Variants in RAP1GAP observed in about 807,000 individuals in gnomAD.
RAP1GAP encodes RAP1 GTPase activating protein, also known as rap1 GTPase-activating protein 1.
RAP1GAP carries 35 observed loss-of-function variants against 87.2 expected under a neutral mutation model. That is an observed-to-expected ratio of 0.40 (90% confidence interval 0.31 to 0.53). The LOEUF is 0.53. RAP1GAP is among the 20% of genes least tolerant of loss of function. RAP1GAP has a pLI of 0.48. For synonymous variants in RAP1GAP, 375 were observed against 363.9 expected (o/e 1.03, Z -0.35); for missense variants, 734 against 898.9 (o/e 0.82, Z 2.35).
Position 21,597,720 on chromosome 1 carries a change from C to G in RAP1GAP, c.1992G>C (p.Ter664TyrextTer6), listed in dbSNP as rs181141517. The change falls in exon 24 of 25, where the codon TAG (stop) becomes TAC (tyrosine). Residue 664 changes from the stop codon to tyrosine (Y), a stop_lost. Transcript: ENST00000374765. The part of the protein sequence containing the change: ...SEQHMPQLGC[*>Y] ...TTCACCTTCAGAGGGGGTGGCCCGG[C>G]TAACAGCCCTGCAGACAGACAGTGG... 2 of 1,613,546 alleles carry G rather than the reference C, an allele frequency of 1.2e-6. No individual in the cohort carries two copies. Among genetic ancestry groups the G allele is most frequent in the Admixed American group, 3.3e-5 (2 of 59,964 alleles).
At chr1:21,646,269 C>T (rs552002568) in intron 2 of RAP1GAP, among the ~76,000 whole-genome samples, 1 of 152,340 alleles carries the variant, frequency 6.6e-6, no homozygotes, top group African/African-American at 2.4e-5. Flanking sequence ...ATGGACTGAG[C>T]AGTGACTCCC....
intron 12 of RAP1GAP, 39 bp from the exon 13 acceptor site, chr1:21,611,620 C>T (rs761529587): frequency 6.2e-7 from 1 of 1,613,812 alleles, no homozygotes. Flanking sequence ...CAGTCTCCAG[C>T]CCTGGCCAGG....
At chr1:21,660,353 T>TATATATATATATATAGAGA in intron 1 of RAP1GAP, among the ~76,000 whole-genome samples, 3 of 26,820 alleles carry the variant, frequency 1.1e-4, no homozygotes, top group Non-Finnish European at 1.7e-4. Flanking sequence ...ATATATTTAT[T>TATATATATATATATAGAGA]GAGACAGTCT....
rs528075509 is a variant in RAP1GAP, at chr1:21,597,730, T to C, written c.1984-2A>G. 2 of 1,613,754 alleles carry C rather than the reference T, an allele frequency of 1.2e-6. No homozygotes were observed. The highest frequency in any genetic ancestry group is 1.7e-6 in the Non-Finnish European group (2 of 1,179,746). ...GAGGGGGTGGCCCGGCTAACAGCCCTGCAGACAGACAGTGGTGGTGAGGCA... is the reference window on the plus strand; with the variant it reads ...GAGGGGGTGGCCCGGCTAACAGCCCCGCAGACAGACAGTGGTGGTGAGGCA... On this transcript the variant is annotated splice_acceptor_variant, in intron 23 of 24. Transcript: ENST00000374765. LOFTEE classifies it high-confidence loss of function.
chr1:21,651,534 C>G, intron 1 of RAP1GAP: 1 of 673,618 alleles, frequency 1.5e-6, no homozygotes, highest in Non-Finnish European at 2.8e-6. Context: ...ACCCTGCACT[C>G]ACCTCCCCAC....
intron 1 of RAP1GAP, chr1:21,651,439 C>T (rs1249702098): frequency 1.7e-6 from 1 of 582,862 alleles, no homozygotes; most frequent in Non-Finnish European, 3.4e-6. Context: ...CACACGCGCG[C>T]ACACACAGGC....
rs1232909031 is a variant in RAP1GAP at position 21,622,750 on chromosome 1, C to A, written c.-18-2700G>T. Among the ~76,000 whole-genome samples, 2 of 151,906 alleles carry A rather than the reference C, an allele frequency of 1.3e-5. No homozygotes were observed. Among genetic ancestry groups the A allele is most frequent in the Non-Finnish European group, 2.9e-5 (2 of 67,956 alleles). On this transcript the variant is annotated intron_variant, in intron 3 of 24. Coordinates refer to ENST00000374765, the MANE Select transcript of RAP1GAP (RefSeq NM_002885.4). This position sits in a 1 kb window ranked among gnomAD's most constrained non-coding sequence, Gnocchi z 5.7. ...CGTCGGGCTCCCCGAGGGGGCCCCC[C>A]ACTCGGTTCTCCCCAGCGCGCCCCC...
chr1:21,627,436 C>G (rs1255112947), intron 2 of RAP1GAP, among the ~76,000 whole-genome samples: 3 of 120,840 alleles, frequency 2.5e-5, no homozygotes, highest in African/African-American at 9.4e-5. Context: ...TTTTTTATGA[C>G]AGAGTTTCGC....
intron 3 of RAP1GAP, among the ~76,000 whole-genome samples, chr1:21,621,301 C>A (rs1285362919): frequency 6.6e-6 from 1 of 152,170 alleles, no homozygotes; most frequent in Non-Finnish European, 1.5e-5. Context: ...GCCCTGCCTG[C>A]CCCGGCAGGG....
intron 16 of RAP1GAP, 51 bp from the exon 17 acceptor site, chr1:21,608,401 G>C: frequency 6.3e-7 from 1 of 1,585,392 alleles, no homozygotes; most frequent in Non-Finnish European, 8.6e-7. Flanking sequence ...TCAGCCCTTC[G>C]GCCCACAGTT....
chr1:21,609,745 G>T lies in RAP1GAP; in HGVS notation c.1000-99C>A. On this transcript the variant is annotated intron_variant, in intron 14 of 24. Transcript: ENST00000374765. This position sits in a 1 kb window ranked among gnomAD's most constrained non-coding sequence, Gnocchi z 4.4. ...CTGTGCCTCCCTGGACTGCCCCTTG[G>T]TCGGGGAGACCCAGTGACTGTGGGC... 1 of 868,386 alleles carries T rather than the reference G, an allele frequency of 1.2e-6. No individual in the cohort carries two copies. The highest frequency in any genetic ancestry group is 1.7e-6 in the Non-Finnish European group (1 of 581,402). 53.8% of individuals were successfully genotyped at this position (868,386 alleles called of 1,614,324 possible). A position where few individuals can be genotyped will look rare whatever the true frequency, so the allele number is the denominator to read the frequency against.
intron 23 of RAP1GAP, 88 bp downstream of exon 23, chr1:21,597,873 G>A: frequency 6.7e-7 from 1 of 1,497,102 alleles, no homozygotes; most frequent in Non-Finnish European, 9.1e-7. Context: ...GGGACCTCTT[G>A]GTCGAGCCTC....
At chr1:21,652,072 GCGGGGCC>G (rs1372259930) in intron 1 of RAP1GAP, among the ~76,000 whole-genome samples, 30 of 151,630 alleles carry the variant, frequency 2.0e-4, no homozygotes, top group Middle Eastern at 3.2e-3. Flanking sequence ...GGCGGGGATT[GCGGGGCC>G]CGGGGCCCGG....
chr1:21,602,335 C>A (rs112706205), intron 19 of RAP1GAP, among the ~76,000 whole-genome samples: 1 of 152,176 alleles, frequency 6.6e-6, no homozygotes, highest in Non-Finnish European at 1.5e-5. Flanking sequence ...TGGTTAATAT[C>A]GGGGAGGCAG....
rs575579605 is a variant in RAP1GAP at position 21,635,790 on chromosome 1, C to A, written c.-112-9393G>T. Among the ~76,000 whole-genome samples, 6 of 152,318 alleles carry A rather than the reference C, an allele frequency of 3.9e-5. No individual in the cohort carries two copies. In the South Asian group the frequency reaches 1.2e-3, roughly 32 times the overall value. Reference sequence around the variant, plus strand: ...CTAACCAAAGGTGACATGGGGAAGCCCTAGCTCTGCCCCCAGATCACAGTG... The same window carrying A: ...CTAACCAAAGGTGACATGGGGAAGCACTAGCTCTGCCCCCAGATCACAGTG... On this transcript the variant is annotated intron_variant, in intron 2 of 24. Coordinates refer to ENST00000374765, the MANE Select transcript of RAP1GAP (RefSeq NM_002885.4).
chr1:21,631,284 C>T (rs1223587879), intron 2 of RAP1GAP, among the ~76,000 whole-genome samples: 2 of 152,222 alleles, frequency 1.3e-5, no homozygotes, highest in African/African-American at 4.8e-5. Flanking sequence ...GGACATGGGG[C>T]GCTCTCCCCT....
chr1:21,663,143 G>A (rs2097210085), intron 1 of RAP1GAP, among the ~76,000 whole-genome samples: 2 of 152,192 alleles, frequency 1.3e-5, no homozygotes. Flanking sequence ...TGTGGGCTTT[G>A]GGGACTCGGA....
rs1320387153 is a variant in RAP1GAP, at chr1:21,622,180, T to C, written c.-18-2130A>G. Among the ~76,000 whole-genome samples the C allele has an allele frequency of 6.6e-6, 1 of 151,864 alleles. No homozygotes were observed. The highest frequency in any genetic ancestry group is 1.5e-5 in the Non-Finnish European group (1 of 67,950). Reference sequence around the variant, plus strand: ...AGGGTCCGGGACCCCAGGGTAGGGGTGCGCCCCGTGGCCAGTGTCAGCCCA... The same window carrying C: ...AGGGTCCGGGACCCCAGGGTAGGGGCGCGCCCCGTGGCCAGTGTCAGCCCA... On this transcript the variant is annotated intron_variant, in intron 3 of 24. Coordinates refer to ENST00000374765, the MANE Select transcript of RAP1GAP (RefSeq NM_002885.4). The surrounding 1 kb of genome is among the most constrained non-coding windows in gnomAD (Gnocchi z 5.7).
At chr1:21,617,831 C>T in intron 6 of RAP1GAP, 103 bp downstream of exon 6, 1 of 1,501,310 alleles carries the variant, frequency 6.7e-7, no homozygotes, top group South Asian at 1.1e-5. Flanking sequence ...CGCAGCAAGG[C>T]CTGCAGGTCA....
Sources: gnomAD v4.1 joint callset for allele counts (sites outside exome capture counted in the v4.1 genomes callset) on GRCh38, gnomAD v4.1.1 for gene constraint, Gnocchi (gnomAD v3.1) non-coding constraint, MANE v1.5 for transcripts, NCBI Gene and HGNC (gene_info 2026-07-23, HGNC 2026-07-21) for gene names.